Variants in SPTSSA observed in about 807,000 individuals in gnomAD.
The protein encoded by SPTSSA is small subunit of serine palmitoyltransferase A.
Under a neutral mutation model 9.1 loss-of-function variants are expected in SPTSSA, and 8 were observed. That is an observed-to-expected ratio of 0.88 (90% CI 0.51 to 1.58). The LOEUF (loss-of-function observed/expected upper bound fraction) is 1.58, where lower values mean the gene tolerates loss of function less well. Ranked by LOEUF, SPTSSA falls within the 40% of genes most tolerant of loss-of-function variation. The pLI, the probability that SPTSSA is intolerant of heterozygous loss-of-function variation, is 0.00. For missense variants in SPTSSA, 100 were observed against 93.8 expected, an observed-to-expected ratio of 1.07 and a Z score of -0.27; for synonymous variants, 42 against 37.7, an observed-to-expected ratio of 1.11 and a Z score of -0.41.
chr14:34,447,006 C>A (rs867603715), intron 1 of SPTSSA, among the ~76,000 whole-genome samples: 1 of 151,968 alleles, frequency 6.6e-6, no homozygotes, highest in Non-Finnish European at 1.5e-5. Flanking sequence ...GGTGGATTAC[C>A]TGAGGTCAGG....
chr14:34,462,142 C>T lies in SPTSSA; in HGVS notation c.66G>A (p.Leu22=), dbSNP rs759335084. Residue 22 remains leucine (L), a synonymous_variant, in exon 1 of 2, where the codon CTG becomes CTA. Transcript: ENST00000298130. The part of the protein sequence containing the change: ...QMSWFYYQYL[L]VTALYMLEPW... ...GCTCCAGCATGTAGAGCGCCGTGACCAGCAGGTACTGGTAGTAGAACCAGG... is the reference window on the plus strand; with the variant it reads ...GCTCCAGCATGTAGAGCGCCGTGACTAGCAGGTACTGGTAGTAGAACCAGG... 8 of 1,533,776 alleles carry T rather than the reference C, an allele frequency of 5.2e-6. No individual in the cohort carries two copies. The highest frequency in any genetic ancestry group is 1.9e-5 in the Admixed American group (1 of 53,312).
intron 1 of SPTSSA, among the ~76,000 whole-genome samples, chr14:34,446,469 G>C (rs1189157954): frequency 6.6e-6 from 1 of 152,096 alleles, no homozygotes; most frequent in African/African-American, 2.4e-5. Flanking sequence ...ATTTATGAAG[G>C]GGTCTGCAGC....
At chr14:34,442,678 G>T (rs1594618758) in intron 1 of SPTSSA, among the ~76,000 whole-genome samples, 1 of 152,202 alleles carries the variant, frequency 6.6e-6, no homozygotes, top group East Asian at 1.9e-4. Flanking sequence ...TTACATGTAT[G>T]CAGGTCTTTG....
rs1400061977 is a variant in SPTSSA, at chr14:34,433,200, G to A, written c.*2001C>T. The A allele has an allele frequency of 2.0e-5, 3 of 152,054 alleles. No homozygotes were observed. The highest frequency in any genetic ancestry group is 4.8e-5 in the African/African-American group (2 of 41,376). 9.4% of individuals were successfully genotyped at this position (152,054 alleles called of 1,614,324 possible). On this transcript the variant is annotated 3_prime_UTR_variant, in exon 2 of 2. Transcript: ENST00000298130. Reference sequence around the variant, plus strand: ...ACTTTATCTTCCATATGTCTCACAGGTCAGTGTTCATAATAACCATCAGTT... The same window carrying A: ...ACTTTATCTTCCATATGTCTCACAGATCAGTGTTCATAATAACCATCAGTT...
intron 1 of SPTSSA, among the ~76,000 whole-genome samples, chr14:34,439,539 A>C (rs1883288070): frequency 6.6e-6 from 1 of 152,196 alleles, no homozygotes. Flanking sequence ...AAGACCAACC[A>C]CGACTACCAT....
Position 34,462,230 on chromosome 14 carries a change from C to T in SPTSSA, c.-23G>A. ...CATGCGCCTCCCGCGATGCAGCTCA[C>T]ACGTCAGTCTGTCCGGCCGGCCGCC... is the stretch of plus-strand genomic sequence containing the variant. On this transcript the variant is annotated 5_prime_UTR_variant, in exon 1 of 2. The change creates a new upstream start codon in the 5' untranslated region. Coordinates refer to ENST00000298130, the MANE Select transcript of SPTSSA (RefSeq NM_138288.4). The T allele has an allele frequency of 6.7e-7, 1 of 1,490,714 alleles. No homozygotes were observed. The highest frequency in any genetic ancestry group is 9.0e-7 in the Non-Finnish European group (1 of 1,106,200). The allele number at this position is 1,490,714 out of a possible 1,614,324, so 92.3% of individuals were successfully genotyped here.
intron 1 of SPTSSA, among the ~76,000 whole-genome samples, chr14:34,440,328 TAAG>T (rs1368951722): frequency 6.6e-6 from 1 of 152,198 alleles, no homozygotes; most frequent in Non-Finnish European, 1.5e-5. Context: ...ATATTGGACT[TAAG>T]AACAAATTTT....
chr14:34,437,065 C>G (rs1180363960), intron 1 of SPTSSA, among the ~76,000 whole-genome samples: 1 of 152,208 alleles, frequency 6.6e-6, no homozygotes, highest in Admixed American at 6.5e-5. Flanking sequence ...TCTAAGATCA[C>G]TGGTGGTCTC....
chr14:34,457,607 A>G (rs916823581), intron 1 of SPTSSA, among the ~76,000 whole-genome samples: 3 of 152,224 alleles, frequency 2.0e-5, no homozygotes, highest in Non-Finnish European at 2.9e-5. Flanking sequence ...ATGTCTGCAC[A>G]TGGAAAAAGT....
At chr14:34,449,975 A>G (rs1327467109) in intron 1 of SPTSSA, among the ~76,000 whole-genome samples, 1 of 152,170 alleles carries the variant, frequency 6.6e-6, no homozygotes, top group African/African-American at 2.4e-5. Context: ...GTTTTAAGAA[A>G]TGGGTAGGAG....
At chr14:34,452,662 G>C (rs977977227) in intron 1 of SPTSSA, among the ~76,000 whole-genome samples, 3 of 152,126 alleles carry the variant, frequency 2.0e-5, no homozygotes, top group Non-Finnish European at 2.9e-5. Flanking sequence ...TCTAATCCCA[G>C]AGACACTAAG....
intron 1 of SPTSSA, among the ~76,000 whole-genome samples, chr14:34,437,379 G>C (rs1371326242): frequency 6.6e-6 from 1 of 152,154 alleles, no homozygotes; most frequent in Non-Finnish European, 1.5e-5. Flanking sequence ...ATGGATGATA[G>C]ATAAGAGTGA....
chr14:34,461,543 G>A (rs575625207), intron 1 of SPTSSA, among the ~76,000 whole-genome samples: 1 of 152,298 alleles, frequency 6.6e-6, no homozygotes, highest in East Asian at 1.9e-4. Context: ...TCCCCAACTT[G>A]AAGACCAAAA....
intron 1 of SPTSSA, among the ~76,000 whole-genome samples, chr14:34,444,859 A>C (rs111650114): frequency 0.011 from 1,656 of 151,828 alleles, 33 homozygotes; most frequent in African/African-American, 0.038. Context: ...CTTTGAGAGA[A>C]CAAGGAGGGC....
intron 1 of SPTSSA, among the ~76,000 whole-genome samples, chr14:34,444,441 TTTACA>T (rs1352252988): frequency 1.3e-5 from 2 of 152,132 alleles, no homozygotes; most frequent in African/African-American, 2.4e-5. Flanking sequence ...CTTACCACGT[TTTACA>T]TTAAAGTTAA....
At chr14:34,442,123 G>A (rs1052583311) in intron 1 of SPTSSA, among the ~76,000 whole-genome samples, 49 of 152,200 alleles carry the variant, frequency 3.2e-4, no homozygotes, top group African/African-American at 1.1e-3. Context: ...CAATCCCCCC[G>A]CCTCGGCCTC....
intron 1 of SPTSSA, among the ~76,000 whole-genome samples, chr14:34,441,778 G>A (rs1424756595): frequency 6.6e-6 from 1 of 152,150 alleles, no homozygotes; most frequent in Non-Finnish European, 1.5e-5. Flanking sequence ...GGGTTTCCAT[G>A]TGGAGAAGCC....
At chr14:34,452,832 G>A (rs899328295) in intron 1 of SPTSSA, among the ~76,000 whole-genome samples, 3 of 152,064 alleles carry the variant, frequency 2.0e-5, no homozygotes, top group Admixed American at 6.6e-5. Flanking sequence ...ACTCACATAC[G>A]ACTAGTACAG....
intron 1 of SPTSSA, among the ~76,000 whole-genome samples, chr14:34,454,112 C>A (rs1349720735): frequency 6.6e-6 from 1 of 152,030 alleles, no homozygotes; most frequent in Admixed American, 6.6e-5. Flanking sequence ...CCCAGGAGTT[C>A]AAGGGTACAG....
Sources: gnomAD v4.1 joint callset for allele counts (sites outside exome capture counted in the v4.1 genomes callset) on GRCh38, gnomAD v4.1.1 for gene constraint, MANE v1.5 for transcripts, NCBI Gene and HGNC (gene_info 2026-07-23, HGNC 2026-07-21) for gene names.